PHF14: variants seen among roughly 807,000 people sequenced by gnomAD.
PHF14 encodes PHD finger protein 14.
In PHF14, 55 loss-of-function variants were observed where a neutral mutation model predicts 117.9. That is an observed-to-expected ratio of 0.47 (90% CI 0.38 to 0.58). The LOEUF is 0.58. PHF14 is among the 20% of genes least tolerant of loss of function. The pLI, the probability that PHF14 is intolerant of heterozygous loss-of-function variation, is 0.00. For missense variants in PHF14, 978 were observed against 1,122.2 expected (o/e 0.87, Z 1.84); for synonymous variants, 409 against 368.6 (o/e 1.11, Z -1.26).
intron 17 of PHF14, among the ~76,000 whole-genome samples, chr7:11,145,301 T>TTA (rs1440906263): frequency 1.3e-5 from 2 of 152,006 alleles, no homozygotes; most frequent in Non-Finnish European, 2.9e-5. Context: ...CTCTCTTTTT[T>TTA]AAAATTCCAT....
chr7:11,093,463 G>A (rs1172472454), intron 16 of PHF14, among the ~76,000 whole-genome samples: 1 of 152,154 alleles, frequency 6.6e-6, no homozygotes, highest in Non-Finnish European at 1.5e-5. Context: ...TGTACCACAA[G>A]GCTTCAGATT....
intron 14 of PHF14, among the ~76,000 whole-genome samples, chr7:11,057,415 C>T (rs995666983): frequency 1.3e-5 from 2 of 152,026 alleles, no homozygotes; most frequent in Admixed American, 6.6e-5. Flanking sequence ...TGCTCTGTCG[C>T]CCAGGCTGGA....
intron 13 of PHF14, among the ~76,000 whole-genome samples, chr7:11,047,917 A>G: frequency 1.0e-5 from 1 of 97,032 alleles, no homozygotes; most frequent in Non-Finnish European, 1.9e-5. Context: ...AAGGAAAGGA[A>G]GGGAAGGGAG....
intron 14 of PHF14, chr7:11,061,301 A>G (rs1213020680): frequency 6.6e-6 from 1 of 152,244 alleles, no homozygotes; most frequent in African/African-American, 2.4e-5. Flanking sequence ...TGGATATGTG[A>G]GAACTTTTCC....
chr7:10,999,520 C>G (rs1447871720), intron 4 of PHF14, among the ~76,000 whole-genome samples: 1 of 152,134 alleles, frequency 6.6e-6, no homozygotes, highest in East Asian at 1.9e-4. Context: ...CCCTCGCTCT[C>G]TATTTTGTTG....
intron 4 of PHF14, among the ~76,000 whole-genome samples, chr7:11,005,803 T>C (rs1225559303): frequency 3.4e-5 from 5 of 146,218 alleles, no homozygotes; most frequent in African/African-American, 1.3e-4. Context: ...TTTTTTTTTT[T>C]TTTTTTTTGA....
chr7:11,044,726 T>C (rs1784611448), intron 13 of PHF14, among the ~76,000 whole-genome samples: 1 of 152,226 alleles, frequency 6.6e-6, no homozygotes, highest in Admixed American at 6.5e-5. Context: ...TTTGTCACAT[T>C]TTACTATTAT....
chr7:11,016,058 A>G (rs1405855810), intron 5 of PHF14, among the ~76,000 whole-genome samples: 1 of 152,158 alleles, frequency 6.6e-6, no homozygotes, highest in Non-Finnish European at 1.5e-5. Context: ...TTCTGAATGA[A>G]GAAAACTGAG....
chr7:11,120,481 G>A, intron 17 of PHF14, among the ~76,000 whole-genome samples: 1 of 151,956 alleles, frequency 6.6e-6, no homozygotes, highest in East Asian at 1.9e-4. Flanking sequence ...AATCTTTCCT[G>A]TCTCAGAGTT....
In PHF14 at chr7:10,990,686, T is replaced by C; in HGVS notation, c.901-17T>C. On this transcript the variant is annotated splice_polypyrimidine_tract_variant and intron_variant, in intron 3 of 17. Coordinates refer to ENST00000634607, the MANE Select transcript of PHF14 (RefSeq NM_001007157.2). ...TTAAATGTGATTTTCTGATATATGT[T>C]AATATTTTAATATTAGGACTCGCTG... 6.9e-7 allele frequency: 1 copy of C among 1,442,746 alleles called. No homozygotes were observed. Among genetic ancestry groups the C allele is most frequent in the Middle Eastern group, 1.8e-4 (1 of 5,680 alleles). The allele number at this position is 1,442,746 out of a possible 1,614,324, so 89.4% of individuals were successfully genotyped here.
At chr7:11,034,169 C>A (rs769348271) in intron 7 of PHF14, among the ~76,000 whole-genome samples, 159 of 150,688 alleles carry the variant, frequency 1.1e-3, no homozygotes, top group Non-Finnish European at 1.9e-3. Context: ...TTTTTTCTTT[C>A]TGTTCTTATA....
rs1354444217 is a variant in PHF14, at chr7:10,974,116, G to C, written c.-208G>C. On this transcript the variant is annotated 5_prime_UTR_variant, in exon 1 of 18. Coordinates refer to ENST00000634607, the MANE Select transcript of PHF14 (RefSeq NM_001007157.2). ...GAGCGCTGTGGGAAGGGGCTCGAGC[G>C]GCCAGGGCCAGGCGAGGCCGGGGGG... 3.5e-6 allele frequency: 2 copies of C among 564,176 alleles called. No individual in the cohort carries two copies. Among genetic ancestry groups the C allele is most frequent in the Non-Finnish European group, 6.4e-6 (2 of 313,740 alleles). The allele number at this position is 564,176 out of a possible 1,614,324, so 34.9% of individuals were successfully genotyped here.
chr7:11,010,906 C>T (rs1489242985), intron 4 of PHF14, among the ~76,000 whole-genome samples: 2 of 152,218 alleles, frequency 1.3e-5, no homozygotes, highest in South Asian at 2.1e-4. Flanking sequence ...CATCCTGCCT[C>T]AGCCTCCCAA....
At chr7:11,040,187 T>C (rs1486007260) in intron 11 of PHF14, among the ~76,000 whole-genome samples, 1 of 152,078 alleles carries the variant, frequency 6.6e-6, no homozygotes, top group African/African-American at 2.4e-5. Context: ...CTTTGATAGA[T>C]GGTTGCTGTC....
At chr7:11,011,282 ATTTAT>A (rs1783348564) in intron 4 of PHF14, among the ~76,000 whole-genome samples, 1 of 152,072 alleles carries the variant, frequency 6.6e-6, no homozygotes, top group Non-Finnish European at 1.5e-5. Context: ...TACTGTAGTT[ATTTAT>A]TTTAGTTTGA....
chr7:11,067,626 T>G (rs76006772), intron 16 of PHF14, among the ~76,000 whole-genome samples: 1,932 of 152,334 alleles, frequency 0.013, 39 homozygotes, highest in African/African-American at 0.044. Flanking sequence ...TAGTCCATTT[T>G]ATGTTGCTAA....
intron 4 of PHF14, among the ~76,000 whole-genome samples, chr7:11,007,286 C>T (rs1783154025): frequency 6.6e-6 from 1 of 151,120 alleles, no homozygotes; most frequent in Non-Finnish European, 1.5e-5. Flanking sequence ...TGGTCTTTGT[C>T]TGTTATATGT....
intron 4 of PHF14, among the ~76,000 whole-genome samples, chr7:10,994,008 C>CAAAAA (rs1166211936): frequency 1.2e-5 from 1 of 81,992 alleles, no homozygotes; most frequent in Non-Finnish European, 2.6e-5. Context: ...GACTCTGTCT[C>CAAAAA]AAAAAAAAAA....
Position 11,023,023 on chromosome 7 carries a change from T to G in PHF14, c.1317+44T>G, listed in dbSNP as rs371973949. 221 of 1,055,742 alleles carry G rather than the reference T, an allele frequency of 2.1e-4. No individual in the cohort carries two copies. Among genetic ancestry groups the G allele is most frequent in the Non-Finnish European group, 2.8e-4 (201 of 706,046 alleles). The allele number at this position is 1,055,742 out of a possible 1,614,324, so 65.4% of individuals were successfully genotyped here. On this transcript the variant is annotated intron_variant, in intron 6 of 17. Coordinates refer to ENST00000634607, the MANE Select transcript of PHF14 (RefSeq NM_001007157.2). ...TTGATTGCTTGAAAGAGAAAGGTTT[T>G]ACTTGTTAGTTTACCTGGCTTTTTA...
Sources: allele counts gnomAD v4.1 joint callset (sites outside exome capture counted in the v4.1 genomes callset), GRCh38; gene constraint gnomAD v4.1.1; transcripts MANE v1.5; gene names NCBI Gene and HGNC (gene_info 2026-07-23, HGNC 2026-07-21).